Variants in SGIP1 observed in about 807,000 individuals in gnomAD.
SGIP1 encodes SH3GL interacting endocytic adaptor 1, also known as SH3-containing GRB2-like protein 3-interacting protein 1.
SGIP1 carries 38 observed loss-of-function variants against 107.5 expected under a neutral mutation model. That is an observed-to-expected ratio of 0.35 (90% CI 0.27 to 0.46). The LOEUF is 0.46. SGIP1 is among the 20% of genes least tolerant of loss of function. SGIP1 has a pLI of 1.00. For synonymous variants in SGIP1, 365 were observed against 366.1 expected (o/e 1.00, Z 0.03); for missense variants, 929 against 1,019.5 (o/e 0.91, Z 1.21).
In SGIP1 at chr1:66,534,199, C is replaced by A; in HGVS notation, c.-160C>A. On this transcript the variant is annotated 5_prime_UTR_variant, in exon 1 of 25. Coordinates refer to ENST00000371037, the MANE Select transcript of SGIP1 (RefSeq NM_032291.4). ...TAGGTGAAGAAGCACCAGCAGCATC[C>A]ATGGCCTGTCTTTTGGCTTAACACT... 1 of 700,738 alleles carries A rather than the reference C, an allele frequency of 1.4e-6. No homozygotes were observed. The highest frequency in any genetic ancestry group is 2.5e-6 in the Non-Finnish European group (1 of 392,768). The allele number at this position is 700,738 out of a possible 1,614,324, so 43.4% of individuals were successfully genotyped here. A position where few individuals can be genotyped will look rare whatever the true frequency, so the allele number is the denominator to read the frequency against.
chr1:66,709,553 G>A (rs2092770040), intron 18 of SGIP1, among the ~76,000 whole-genome samples: 1 of 152,144 alleles, frequency 6.6e-6, no homozygotes, highest in African/African-American at 2.4e-5. Flanking sequence ...TGCATTATGT[G>A]TAAAGCATAA....
At chr1:66,617,830 A>AT (rs149714785) in intron 1 of SGIP1, among the ~76,000 whole-genome samples, 8 of 152,010 alleles carry the variant, frequency 5.3e-5, no homozygotes, top group Admixed American at 1.3e-4. Context: ...ATATCTCTCC[A>AT]TTTTTTCAAA....
At chr1:66,619,948 T>A (rs2070512852) in intron 1 of SGIP1, among the ~76,000 whole-genome samples, 1 of 152,240 alleles carries the variant, frequency 6.6e-6, no homozygotes, top group Non-Finnish European at 1.5e-5. Flanking sequence ...CTTTGGAGTA[T>A]GAGACTTTGA....
rs377334632 is a variant in SGIP1, at chr1:66,641,170, A to G, written c.228+1337A>G. On this transcript the variant is annotated intron_variant, in intron 5 of 24. Transcript: ENST00000371037. ...GAGATGAAGTCTAGATATCTAATGT[A>G]CTAAAAATTTGCTAAGAGTTTAAGT... Among the ~76,000 whole-genome samples the G allele has an allele frequency of 1.2e-4, 19 of 152,192 alleles. No individual in the cohort carries two copies. In the East Asian group the frequency reaches 1.3e-3, roughly 11 times the overall value.
At chr1:66,596,454 A>T (rs1441280724) in intron 1 of SGIP1, among the ~76,000 whole-genome samples, 1 of 152,116 alleles carries the variant, frequency 6.6e-6, no homozygotes, top group Admixed American at 6.6e-5. Context: ...GGTAAAGCAA[A>T]GACATCACTC....
chr1:66,594,027 C>T (rs2064148830), intron 1 of SGIP1, among the ~76,000 whole-genome samples: 1 of 152,008 alleles, frequency 6.6e-6, no homozygotes, highest in African/African-American at 2.4e-5. Flanking sequence ...TCATGGTTAA[C>T]CAATAACAAG....
chr1:66,610,978 C>T (rs914962235), intron 1 of SGIP1, among the ~76,000 whole-genome samples: 5 of 150,934 alleles, frequency 3.3e-5, no homozygotes, highest in Admixed American at 6.6e-5. Context: ...TTTGGAAACT[C>T]GGTGGGAAAG....
At chr1:66,708,230 T>C (rs2092662136) in intron 18 of SGIP1, among the ~76,000 whole-genome samples, 1 of 152,164 alleles carries the variant, frequency 6.6e-6, no homozygotes, top group Admixed American at 6.6e-5. Context: ...GAGAGATGTT[T>C]TGAGATTAGA....
At chr1:66,634,196 C>T (rs777588447) in intron 3 of SGIP1, 43 of 1,571,302 alleles carry the variant, frequency 2.7e-5, no homozygotes, top group Non-Finnish European at 3.6e-5. Context: ...TTCTTTGCTT[C>T]CGGCTTGGTC....
At chr1:66,547,568 C>T (rs1454499063) in intron 1 of SGIP1, among the ~76,000 whole-genome samples, 2 of 152,110 alleles carry the variant, frequency 1.3e-5, no homozygotes, top group Non-Finnish European at 2.9e-5. Context: ...GAACAGAGCT[C>T]GTCGCACTCT....
intron 15 of SGIP1, among the ~76,000 whole-genome samples, chr1:66,684,864 T>C (rs954591644): frequency 7.2e-5 from 11 of 152,242 alleles, no homozygotes; most frequent in Admixed American, 1.3e-4. Flanking sequence ...TTTTAAAATG[T>C]CACCAGTAAA....
Position 66,632,813 on chromosome 1 carries a change from A to C in SGIP1, c.75-257A>C, listed in dbSNP as rs555841733. On this transcript the variant is annotated intron_variant, in intron 2 of 24. Coordinates refer to ENST00000371037, the MANE Select transcript of SGIP1 (RefSeq NM_032291.4). The stretch of plus-strand genomic sequence containing the variant: ...TAATAAACTCTCCTCTCAAAAATGA[A>C]CCAAGGCACTACCCTTCCCACATGT... Among the ~76,000 whole-genome samples, 27 of 152,282 alleles carry C rather than the reference A, an allele frequency of 1.8e-4. No homozygotes were observed. In the South Asian group the frequency reaches 5.6e-3, roughly 32 times the overall value.
At chr1:66,737,856 G>A (rs921165490) in intron 21 of SGIP1, among the ~76,000 whole-genome samples, 5 of 152,188 alleles carry the variant, frequency 3.3e-5, no homozygotes, top group African/African-American at 1.2e-4. Flanking sequence ...GGGTGGAGAA[G>A]CACAACTAGC....
intron 15 of SGIP1, among the ~76,000 whole-genome samples, chr1:66,687,104 C>T (rs1281270258): frequency 6.6e-6 from 1 of 152,140 alleles, no homozygotes; most frequent in Non-Finnish European, 1.5e-5. Flanking sequence ...AGTACTTTCC[C>T]AGGCATCACT....
chr1:66,623,451 A>G (rs1441372179), intron 1 of SGIP1, among the ~76,000 whole-genome samples: 11 of 152,244 alleles, frequency 7.2e-5, no homozygotes, highest in Middle Eastern at 6.8e-3. Context: ...GGGTTTCACC[A>G]TGTTGGCCAG....
At chr1:66,629,681 TAA>T (rs2073821523) in intron 2 of SGIP1, among the ~76,000 whole-genome samples, 1 of 151,968 alleles carries the variant, frequency 6.6e-6, no homozygotes, top group Admixed American at 6.6e-5. Context: ...GCAAATACAA[TAA>T]GTCTGCCATG....
chr1:66,639,694 T>G, intron 4 of SGIP1, 83 bp from the exon 5 acceptor site: 1 of 1,127,288 alleles, frequency 8.9e-7, no homozygotes, highest in Non-Finnish European at 1.3e-6. Context: ...TTTTGCTAAA[T>G]GCAGATAAGA....
rs1339843314 is a variant in SGIP1 at position 66,719,389 on chromosome 1, G to A, written c.1726G>A (p.Gly576Arg). The change falls in exon 19 of 25, where the codon GGA becomes AGA. Residue 576 changes from glycine to arginine, a missense_variant. This residue lies in a region of SGIP1 where 341 missense variants were observed against 430.9 expected (regional missense o/e 0.79). Coordinates refer to ENST00000371037, the MANE Select transcript of SGIP1 (RefSeq NM_032291.4). ...AGAAACAGTCAATGCCTATTTCAAA[G>A]GAGCAGACCCAAGCAAGTAAGCCTG... Reference protein sequence around the residue: ...FTETVNAYFKGADPSKCIVKI... With the variant: ...FTETVNAYFKRADPSKCIVKI... 2.5e-6 allele frequency: 4 copies of A among 1,613,168 alleles called. No homozygotes were observed. Among genetic ancestry groups the A allele is most frequent in the Non-Finnish European group, 3.4e-6 (4 of 1,179,482 alleles).
intron 15 of SGIP1, among the ~76,000 whole-genome samples, chr1:66,686,835 T>C (rs1023959058): frequency 3.3e-5 from 5 of 152,250 alleles, no homozygotes; most frequent in African/African-American, 1.2e-4. Context: ...TTTGACTTGT[T>C]AGTTGTATTT....
Sources: gnomAD v4.1 joint callset for allele counts (sites outside exome capture counted in the v4.1 genomes callset) on GRCh38, gnomAD v4.1.1 for gene constraint, gnomAD v4.1.1 regional missense constraint, MANE v1.5 for transcripts, NCBI Gene and HGNC (gene_info 2026-07-23, HGNC 2026-07-21) for gene names.